LRRC8D: variants seen among roughly 807,000 people sequenced by gnomAD.
LRRC8D encodes the protein volume-regulated anion channel subunit LRRC8D.
Under a neutral mutation model 55.8 loss-of-function variants are expected in LRRC8D, and 20 were observed. The observed-to-expected ratio is 0.36, with a 90% CI of 0.25 to 0.52. The LOEUF (loss-of-function observed/expected upper bound fraction) is 0.52. Ranked by LOEUF, LRRC8D falls within the 20% of genes least tolerant of loss-of-function variation. The pLI is 0.93. For synonymous variants in LRRC8D, 352 were observed against 377.0 expected (o/e 0.93, Z 0.77); for missense variants, 651 against 1,030.8 (o/e 0.63, Z 5.05).
At chr1:89,882,773 C>A (rs1465878601) in intron 2 of LRRC8D, among the ~76,000 whole-genome samples, 1 of 152,058 alleles carries the variant, frequency 6.6e-6, no homozygotes, top group Non-Finnish European at 1.5e-5. Flanking sequence ...GAGAGTAGTT[C>A]TTTTAGAAAG....
At chr1:89,907,371 A>G (rs1369814799) in intron 2 of LRRC8D, among the ~76,000 whole-genome samples, 1 of 151,802 alleles carries the variant, frequency 6.6e-6, no homozygotes, top group Non-Finnish European at 1.5e-5. Context: ...TTGTATATTT[A>G]GTAGAGACGG....
intron 2 of LRRC8D, among the ~76,000 whole-genome samples, chr1:89,844,221 G>T (rs576231675): frequency 3.3e-5 from 5 of 152,360 alleles, no homozygotes; most frequent in East Asian, 1.9e-4. Context: ...GGGTTGGGAC[G>T]TAGGGAAGAG....
intron 2 of LRRC8D, among the ~76,000 whole-genome samples, chr1:89,854,051 C>T (rs1358881388): frequency 1.3e-5 from 2 of 152,140 alleles, no homozygotes; most frequent in Non-Finnish European, 2.9e-5. Context: ...AGTTCTAGAG[C>T]ACAAGCATAC....
At chr1:89,924,500 C>T (rs1188480706) in intron 2 of LRRC8D, among the ~76,000 whole-genome samples, 4 of 152,196 alleles carry the variant, frequency 2.6e-5, no homozygotes, top group Non-Finnish European at 4.4e-5. Context: ...CTGTGGAAAG[C>T]AGTGTGTAGA....
chr1:89,846,116 C>G (rs1025325958), intron 2 of LRRC8D, among the ~76,000 whole-genome samples: 3 of 152,058 alleles, frequency 2.0e-5, no homozygotes, highest in South Asian at 4.1e-4. Flanking sequence ...GTTCCTTGCC[C>G]CCCAGTTTAT....
At chr1:89,909,023 C>T (rs927467074) in intron 2 of LRRC8D, among the ~76,000 whole-genome samples, 2 of 151,410 alleles carry the variant, frequency 1.3e-5, no homozygotes, top group East Asian at 1.9e-4. Flanking sequence ...GGTGTGTTTG[C>T]GTGTGTGTGT....
intron 2 of LRRC8D, among the ~76,000 whole-genome samples, chr1:89,898,551 G>T (rs1335203798): frequency 2.0e-5 from 3 of 152,194 alleles, no homozygotes. Context: ...TCAAGTGGAA[G>T]AGGAATTAGA....
intron 1 of LRRC8D, among the ~76,000 whole-genome samples, chr1:89,821,567 G>C (rs1440671272): frequency 1.3e-5 from 2 of 152,164 alleles, no homozygotes; most frequent in Non-Finnish European, 1.5e-5. Flanking sequence ...GGCCCTGCGG[G>C]AGGGGAGTGC....
chr1:89,822,285 G>A (rs1660654477), intron 1 of LRRC8D: 1 of 152,824 alleles, frequency 6.5e-6, no homozygotes, highest in Non-Finnish European at 1.5e-5. Flanking sequence ...TTGTGGGAAG[G>A]AAACAGCCGA....
In LRRC8D at chr1:89,851,830, T is replaced by G. The variant is rs182076489; in HGVS notation, c.-3+8048T>G. Among the ~76,000 whole-genome samples the G allele has an allele frequency of 6.5e-4, 99 of 152,186 alleles. 1 individual carries two copies. Among genetic ancestry groups the G allele is most frequent in the African/African-American group, 2.3e-3 (97 of 41,534 alleles). On this transcript the variant is annotated intron_variant, in intron 2 of 2. Coordinates refer to ENST00000337338, the MANE Select transcript of LRRC8D (RefSeq NM_001134479.2). ...CGGCACCACCTTGGTTTTTAAAATG[T>G]GATGAAACCATGTTGTGTACATAGC...
At position 89,933,968 on chromosome 1, in the gene LRRC8D, T is replaced by C; in HGVS notation, c.900T>C (p.Asp300=). The C allele has an allele frequency of 1.2e-6, 2 of 1,614,184 alleles. No individual in the cohort carries two copies. The highest frequency in any genetic ancestry group is 1.1e-5 in the South Asian group (1 of 91,088). ...GGAAGTTCCGTGCCCATGTGGAAGATAGTGACTTGATCTATAAACTCTATG... is the reference window on the plus strand; with the variant it reads ...GGAAGTTCCGTGCCCATGTGGAAGACAGTGACTTGATCTATAAACTCTATG... ...KVRKFRAHVE[D]SDLIYKLYVV... The change falls in exon 3 of 3, where the codon GAT becomes GAC. Residue 300 remains aspartate, a synonymous_variant. Coordinates refer to ENST00000337338, the MANE Select transcript of LRRC8D (RefSeq NM_001134479.2). The surrounding 1 kb of genome is among the most constrained non-coding windows in gnomAD (Gnocchi z 7.0).
Position 89,913,121 on chromosome 1 carries a change from AGTAGCCTTGTCTT to A in LRRC8D, c.-2-19932_-2-19920del, listed in dbSNP as rs576404784. Among the ~76,000 whole-genome samples, 394 of 152,366 alleles carry A rather than the reference AGTAGCCTTGTCTT, an allele frequency of 2.6e-3. 6 individuals are homozygous for A. The highest frequency in any genetic ancestry group is 0.023 in the South Asian group (112 of 4,830). On this transcript the variant is annotated intron_variant, in intron 2 of 2. Transcript: ENST00000337338. ...AAAAAGGAAAAGGAAGGCCAAGTCAAGTAGCCTTGTCTTGTAGCCTTGTCTTTATGAAGGTTAC... is the reference window on the plus strand; with the variant it reads ...AAAAAGGAAAAGGAAGGCCAAGTCAAGTAGCCTTGTCTTTATGAAGGTTAC...
intron 2 of LRRC8D, among the ~76,000 whole-genome samples, chr1:89,921,495 G>C (rs17130931): frequency 6.6e-6 from 1 of 152,072 alleles, no homozygotes; most frequent in Non-Finnish European, 1.5e-5. Flanking sequence ...AGACCTCCTA[G>C]TGCAGATAAA....
intron 2 of LRRC8D, among the ~76,000 whole-genome samples, chr1:89,916,591 C>T (rs1053758269): frequency 2.0e-5 from 3 of 152,152 alleles, no homozygotes; most frequent in Non-Finnish European, 4.4e-5. Context: ...CTTCATTACG[C>T]TTTAATGAGA....
chr1:89,929,424 T>C (rs1032755177), intron 2 of LRRC8D, among the ~76,000 whole-genome samples: 1 of 152,218 alleles, frequency 6.6e-6, no homozygotes, highest in Non-Finnish European at 1.5e-5. Context: ...GAAGAGTTTT[T>C]ACCAAGGGAC....
intron 2 of LRRC8D, among the ~76,000 whole-genome samples, chr1:89,908,777 C>A (rs1448630285): frequency 1.3e-5 from 2 of 152,170 alleles, no homozygotes; most frequent in African/African-American, 4.8e-5. Flanking sequence ...TGGGTCCAGG[C>A]AGGAGGGGCT....
intron 1 of LRRC8D, among the ~76,000 whole-genome samples, chr1:89,827,372 AAAAAAATAC>A (rs1443209104): frequency 6.6e-6 from 1 of 151,450 alleles, no homozygotes; most frequent in Non-Finnish European, 1.5e-5. Context: ...GATTTTGGGG[AAAAAAATAC>A]AAAATATAGT....
intron 2 of LRRC8D, among the ~76,000 whole-genome samples, chr1:89,877,624 C>T (rs953308965): frequency 2.0e-5 from 3 of 152,114 alleles, no homozygotes; most frequent in East Asian, 1.9e-4. Context: ...GTTCCTAAAA[C>T]GTGGCTAATG....
chr1:89,878,999 T>TGTGGCCCATGAAGGACTGGATTGCGCA (rs1476966331), intron 2 of LRRC8D, among the ~76,000 whole-genome samples: 12 of 149,244 alleles, frequency 8.0e-5, no homozygotes, highest in African/African-American at 3.0e-4. Context: ...TCTAATGAGA[T>TGTGGCCCATGAAGGACTGGATTGCGCA]GTGGCCCATG....
Sources: allele counts gnomAD v4.1 joint callset (sites outside exome capture counted in the v4.1 genomes callset), GRCh38; gene constraint gnomAD v4.1.1; non-coding constraint Gnocchi (gnomAD v3.1); transcripts MANE v1.5; gene names NCBI Gene and HGNC (gene_info 2026-07-23, HGNC 2026-07-21).